The following DCTN4 variants were observed in gnomAD, a reference collection of about 807,000 sequenced individuals.
DCTN4 encodes the protein dynactin 4 (p62).
Under a neutral mutation model 62.7 loss-of-function variants are expected in DCTN4, and 23 were observed. The observed-to-expected ratio is 0.37, with a 90% confidence interval of 0.26 to 0.52. The LOEUF is 0.52. Among genes scored for constraint, DCTN4 ranks in the 20% least tolerant of loss-of-function variants. The pLI, the probability that DCTN4 is intolerant of heterozygous loss-of-function variation, is 0.92. For missense variants in DCTN4, 514 were observed against 580.4 expected, an observed-to-expected ratio of 0.89 and a Z score of 1.18; for synonymous variants, 199 against 202.1, an observed-to-expected ratio of 0.98 and a Z score of 0.13.
At chr5:150,746,224 C>T (rs1362564281) in intron 3 of DCTN4, among the ~76,000 whole-genome samples, 1 of 152,158 alleles carries the variant, frequency 6.6e-6, no homozygotes, top group Non-Finnish European at 1.5e-5. Flanking sequence ...CATATATACT[C>T]TCCCAAGACT....
Position 150,758,861 on chromosome 5 carries a change from C to G in DCTN4, c.133G>C (p.Glu45Gln). ...ELRSLECVSHEVDSHYCPSCL... is the reference protein window; with the variant it reads ...ELRSLECVSHQVDSHYCPSCL... ...TCGCTATAGGGCGACTCTGTTACCTCGTGAGACACACATTCCAGCGACCGC... is the reference window on the plus strand; with the variant it reads ...TCGCTATAGGGCGACTCTGTTACCTGGTGAGACACACATTCCAGCGACCGC... Residue 45 changes from glutamate to glutamine, a missense_variant and splice_region_variant, in exon 1 of 13, where the codon GAG (glutamate) becomes CAG (glutamine). Glu to Gln is a conservative substitution (Grantham distance 29). Transcript: ENST00000447998. The G allele has an allele frequency of 6.2e-7, 1 of 1,613,992 alleles. No homozygotes were observed.
chr5:150,732,131 G>A (rs1484965341), intron 5 of DCTN4, among the ~76,000 whole-genome samples: 4 of 152,178 alleles, frequency 2.6e-5, no homozygotes, highest in Non-Finnish European at 5.9e-5. Context: ...TGCTTTGCAA[G>A]TGTTAATGTT....
intron 3 of DCTN4, among the ~76,000 whole-genome samples, chr5:150,744,665 C>T (rs1760895429): frequency 6.6e-6 from 1 of 151,522 alleles, no homozygotes; most frequent in Admixed American, 6.6e-5. Flanking sequence ...AATTTTCAAC[C>T]CAGAATTTCA....
intron 3 of DCTN4, among the ~76,000 whole-genome samples, chr5:150,748,792 TG>T (rs1752557661): frequency 2.0e-5 from 1 of 50,268 alleles, no homozygotes; most frequent in African/African-American, 7.2e-5. Flanking sequence ...TGTTGTGGGG[TG>T]GGGGGAGGGG....
intron 5 of DCTN4, among the ~76,000 whole-genome samples, chr5:150,732,211 G>A (rs888111705): frequency 3.3e-5 from 5 of 152,118 alleles, no homozygotes; most frequent in Non-Finnish European, 7.4e-5. Context: ...GTGCAGTGGC[G>A]CTATCTTGGC....
In DCTN4 at chr5:150,753,521, G is replaced by A. The variant is rs200410543; in HGVS notation, c.343C>T (p.Arg115Cys). 3.7e-6 allele frequency: 6 copies of A among 1,613,978 alleles called. No individual in the cohort carries two copies. Among genetic ancestry groups the A allele is most frequent in the Non-Finnish European group, 4.2e-6 (5 of 1,180,000 alleles). ...KAYYLACGFC[R>C]WTSRDVGMAD... ...ATGCCCACATCTCTAGACGTCCAGC[G>A]ACAAAATCCACATGCCAGGTAATAG... is the stretch of plus-strand genomic sequence containing the variant. Residue 115 changes from arginine (R) to cysteine (C), a missense_variant, in exon 3 of 13, where the codon CGC (arginine) becomes TGC (cysteine). Physicochemically the swap from Arg to Cys is radical, Grantham distance 180. Coordinates refer to ENST00000447998, the MANE Select transcript of DCTN4 (RefSeq NM_016221.4).
intron 4 of DCTN4, chr5:150,736,460 T>A (rs1184355640): frequency 6.6e-6 from 1 of 152,220 alleles, no homozygotes; most frequent in African/African-American, 2.4e-5. Context: ...ATCTTTAGCC[T>A]CCTTAAACAA....
In DCTN4 at chr5:150,718,363, A is replaced by G; in HGVS notation, c.984T>C (p.Thr328=). 6.2e-7 allele frequency: 1 copy of G among 1,613,970 alleles called. No homozygotes were observed. The highest frequency in any genetic ancestry group is 8.5e-7 in the Non-Finnish European group (1 of 1,179,866). ...RYMKESQVLL[T]LTNPVENLTH... is the part of the protein sequence containing the mutation. The stretch of plus-strand genomic sequence containing the variant: ...TGAGGTTCTCAACTGGATTTGTAAG[A>G]GTCAGGAGGACCTGGCTCTCCTGGT... The change falls in exon 11 of 13, where the codon ACT becomes ACC. Residue 328 remains threonine, a synonymous_variant. Transcript: ENST00000447998.
chr5:150,725,114 C>T (rs1019587213), intron 8 of DCTN4, among the ~76,000 whole-genome samples: 5 of 146,430 alleles, frequency 3.4e-5, no homozygotes, highest in African/African-American at 1.0e-4. Flanking sequence ...GCCGAGATCA[C>T]GCCGCTGCAC....
chr5:150,753,912 T>C (rs1752768146), intron 2 of DCTN4, among the ~76,000 whole-genome samples: 1 of 152,220 alleles, frequency 6.6e-6, no homozygotes, highest in African/African-American at 2.4e-5. Context: ...ATGGAGTTTA[T>C]GATTCCAGAC....
At chr5:150,758,104 T>C (rs565975457) in intron 1 of DCTN4, 3 of 985,614 alleles carry the variant, frequency 3.0e-6, no homozygotes, top group Non-Finnish European at 3.6e-6. Context: ...GCGCATTTTA[T>C]GTCTTACTCG....
At chr5:150,724,895 C>T (rs1429889288) in intron 8 of DCTN4, among the ~76,000 whole-genome samples, 3 of 152,136 alleles carry the variant, frequency 2.0e-5, no homozygotes, top group South Asian at 2.1e-4. Context: ...CAGTGGCTCA[C>T]GCCTGTAATC....
intron 4 of DCTN4, among the ~76,000 whole-genome samples, chr5:150,740,302 C>G (rs890671367): frequency 5.3e-5 from 8 of 150,958 alleles, no homozygotes; most frequent in East Asian, 1.9e-4. Flanking sequence ...AAATGGCCAA[C>G]AAACATATTT....
At chr5:150,718,190 G>A in intron 11 of DCTN4, 86 bp downstream of exon 11, 2 of 806,888 alleles carry the variant, frequency 2.5e-6, no homozygotes, top group Non-Finnish European at 4.0e-6. Flanking sequence ...GTGGAAAGGA[G>A]AGTGTGTGGA....
At chr5:150,731,994 T>C in intron 5 of DCTN4, 3 of 1,143,990 alleles carry the variant, frequency 2.6e-6, no homozygotes, top group South Asian at 2.7e-5. Flanking sequence ...AGGCAGGTTA[T>C]ATGGGAAAAT....
intron 8 of DCTN4, among the ~76,000 whole-genome samples, chr5:150,729,664 C>T (rs59748743): frequency 0.011 from 1,640 of 149,072 alleles, 30 homozygotes; most frequent in African/African-American, 0.037. Flanking sequence ...GGCTGGAGTG[C>T]AGTGGCTATT....
intron 4 of DCTN4, among the ~76,000 whole-genome samples, chr5:150,736,744 A>G (rs1760596986): frequency 6.6e-6 from 1 of 152,216 alleles, no homozygotes; most frequent in South Asian, 2.1e-4. Context: ...AGCACAATGA[A>G]TAGAATAGTA....
intron 10 of DCTN4, among the ~76,000 whole-genome samples, chr5:150,719,171 G>A (rs1342289748): frequency 6.6e-6 from 1 of 152,088 alleles, no homozygotes; most frequent in Non-Finnish European, 1.5e-5. Context: ...TCCTTGTTTG[G>A]TACCCTCTCT....
intron 8 of DCTN4, among the ~76,000 whole-genome samples, chr5:150,727,603 C>T (rs950658179): frequency 4.6e-5 from 7 of 151,592 alleles, no homozygotes; most frequent in East Asian, 1.9e-4. Flanking sequence ...GGTGAAACCC[C>T]GTCTCTACTA....
Sources: allele counts gnomAD v4.1 joint callset (sites outside exome capture counted in the v4.1 genomes callset), GRCh38; gene constraint gnomAD v4.1.1; transcripts MANE v1.5; gene names NCBI Gene and HGNC (gene_info 2026-07-23, HGNC 2026-07-21).